Variants in ABCA5 observed in about 807,000 individuals in gnomAD.
ABCA5 encodes ATP binding cassette subfamily A member 5, also known as cholesterol transporter ABCA5.
A neutral mutation model predicts 206.0 loss-of-function variants in ABCA5; 163 were observed. The observed-to-expected ratio is 0.79, with a 90% confidence interval of 0.70 to 0.90. The LOEUF (loss-of-function observed/expected upper bound fraction) is 0.90, where lower values mean the gene tolerates loss of function less well. Among genes scored for constraint, ABCA5 ranks in the 40% least tolerant of loss-of-function variants. The probability of loss-of-function intolerance (pLI) is 0.00; values close to 1 mark genes in which losing one functional copy is unlikely to be tolerated. For synonymous variants in ABCA5, 609 were observed against 613.8 expected, an observed-to-expected ratio of 0.99 and a Z score of 0.11; for missense variants, 1,859 against 1,912.9, an observed-to-expected ratio of 0.97 and a Z score of 0.53.
intron 35 of ABCA5, 67 bp from the exon 36 acceptor site, chr17:69,250,688 A>G (rs948331917): frequency 1.7e-6 from 2 of 1,182,844 alleles, no homozygotes; most frequent in Admixed American, 5.7e-5. Flanking sequence ...TCTCTCACAC[A>G]TATAACTACA....
rs1302199229 is a variant in ABCA5, at chr17:69,246,554, C to T, written c.*983G>A. 1 of 151,904 alleles carries T rather than the reference C, an allele frequency of 6.6e-6. No individual in the cohort carries two copies. Among genetic ancestry groups the T allele is most frequent in the Non-Finnish European group, 1.5e-5 (1 of 67,818 alleles). 9.4% of individuals were successfully genotyped at this position (151,904 alleles called of 1,614,324 possible). ...GAGTTTATTCATATCCTACCATGTT[C>T]CAAAGTCAATGAGGTAAGTTACTAA... On this transcript the variant is annotated 3_prime_UTR_variant, in exon 39 of 39. Transcript: ENST00000392676.
Position 69,291,200 on chromosome 17 carries a change from A to G in ABCA5, c.1606+16T>C. ...TATATAATGAAGTTTTTTTTTCTTT[A>G]AGACAGAAAACTCACCATCAGAAGG... On this transcript the variant is annotated intron_variant, in intron 12 of 38. Transcript: ENST00000392676. 6.6e-7 allele frequency: 1 copy of G among 1,510,320 alleles called. No homozygotes were observed. Among genetic ancestry groups the G allele is most frequent in the African/African-American group, 1.4e-5 (1 of 71,274 alleles). The allele number at this position is 1,510,320 out of a possible 1,614,324, so 93.6% of individuals were successfully genotyped here.
intron 26 of ABCA5, among the ~76,000 whole-genome samples, 173 bp from the exon 27 acceptor site, chr17:69,260,585 G>C (rs1446124800): frequency 6.6e-6 from 1 of 151,798 alleles, no homozygotes; most frequent in African/African-American, 2.4e-5. Context: ...ATATTTCTGA[G>C]GATCAGTATA....
intron 19 of ABCA5, among the ~76,000 whole-genome samples, chr17:69,277,380 A>T (rs1040732833): frequency 6.6e-6 from 1 of 152,206 alleles, no homozygotes; most frequent in Non-Finnish European, 1.5e-5. Context: ...GACAGTAATT[A>T]AAAAATTATA....
In ABCA5 at chr17:69,273,957, A is replaced by G; in HGVS notation, c.2764+2T>C. 2.5e-6 allele frequency: 4 copies of G among 1,602,168 alleles called. No homozygotes were observed. Among genetic ancestry groups the G allele is most frequent in the Non-Finnish European group, 3.4e-6 (4 of 1,176,454 alleles). On this transcript the variant is annotated splice_donor_variant, in intron 20 of 38. Transcript: ENST00000392676. LOFTEE classifies it high-confidence loss of function. The stretch of plus-strand genomic sequence containing the variant: ...CGTTCACAGACCTTCACACACTCTC[A>G]CCAGCAGAATTTTGAAGAAGCAGAC...
chr17:69,259,534 AGT>A (rs2075122018), intron 28 of ABCA5, among the ~76,000 whole-genome samples, 170 bp downstream of exon 28: 1 of 152,034 alleles, frequency 6.6e-6, no homozygotes, highest in Admixed American at 6.6e-5. Flanking sequence ...AAAGTAGATT[AGT>A]GGTTACCTAA....
intron 3 of ABCA5, among the ~76,000 whole-genome samples, chr17:69,310,290 C>T (rs1416302534): frequency 6.6e-6 from 1 of 152,000 alleles, no homozygotes; most frequent in Admixed American, 6.6e-5. Flanking sequence ...CACTCATCAC[C>T]ATGCCTGGCT....
rs2075495430 is a variant in ABCA5, at chr17:69,289,068, AT to A, written c.1902+108del. On this transcript the variant is annotated intron_variant, in intron 14 of 38. Transcript: ENST00000392676. ...GATTATATCCATAATAACATACAGCATTTTATGTACACTTAACCTTTACATA... is the reference window on the plus strand; with the variant it reads ...GATTATATCCATAATAACATACAGCATTTATGTACACTTAACCTTTACATA... The A allele has an allele frequency of 6.5e-6, 7 of 1,078,602 alleles. No homozygotes were observed. The South Asian group carries it at 1.5e-4, about 22-fold the overall frequency. The allele number at this position is 1,078,602 out of a possible 1,614,324, so 66.8% of individuals were successfully genotyped here.
At chr17:69,260,193 G>T in intron 27 of ABCA5, 145 bp downstream of exon 27, 1 of 565,894 alleles carries the variant, frequency 1.8e-6, no homozygotes. Flanking sequence ...CTGAAATACA[G>T]ATTAGCTAGC....
chr17:69,298,074 T>C (rs2075602118), intron 9 of ABCA5, among the ~76,000 whole-genome samples: 2 of 151,982 alleles, frequency 1.3e-5, no homozygotes, highest in South Asian at 4.1e-4. Context: ...TAGTCCCAGC[T>C]ACCTGGGAGG....
Position 69,259,741 on chromosome 17 carries a change from A to G in ABCA5, c.3696T>C (p.Tyr1232=), listed in dbSNP as rs754531893. The G allele has an allele frequency of 6.2e-7, 1 of 1,609,540 alleles. No homozygotes were observed. Among genetic ancestry groups the G allele is most frequent in the Admixed American group, 1.7e-5 (1 of 59,718 alleles). ...IFLLQYYEKK[Y]GGRSIRKDPF... ...GATCTTTTCTTATTGATCTGCCTCC[A>G]TATTTTTTCTCATAGTATTGTAAGA... The change falls in exon 28 of 39, where the codon TAT becomes TAC. Residue 1232 remains tyrosine (Y), a synonymous_variant. Coordinates refer to ENST00000392676, the MANE Select transcript of ABCA5 (RefSeq NM_172232.4).
intron 27 of ABCA5, 35 bp downstream of exon 27, chr17:69,260,303 T>C (rs1261718070): frequency 7.5e-6 from 11 of 1,471,208 alleles, no homozygotes; most frequent in Admixed American, 1.8e-5. Flanking sequence ...ATTCTTAAGG[T>C]ACATGCTAAT....
At position 69,317,441 on chromosome 17, in the gene ABCA5, A is replaced by G. The variant is rs2075828064; in HGVS notation, c.-15-3011T>C. ...AAAAAAAGGAATGAAGTACTGCTAT[A>G]TGCTACAATTAAAATGAACATACAA... On this transcript the variant is annotated intron_variant, in intron 1 of 38. Transcript: ENST00000392676. 2.7e-5 allele frequency among the ~76,000 whole-genome samples: 4 copies of G among 150,162 alleles called. No homozygotes were observed. In the South Asian group the frequency reaches 8.4e-4, roughly 32 times the overall value.
Position 69,270,737 on chromosome 17 carries a change from G to A in ABCA5, c.2906C>T (p.Ala969Val). ...AACCATAGTACTGTTGAAAACAGCT[G>A]CAAAAACATAGTCCTACAATTAAAA... ...VMHSEKDYVF[A>V]AVFNSTMVYS... is the part of the protein sequence containing the mutation. Residue 969 changes from alanine (A) to valine (V), a missense_variant, in exon 22 of 39, where the codon GCA (alanine) becomes GTA (valine). By Grantham distance (64) the Ala-to-Val change is moderately conservative (BLOSUM62 0). Transcript: ENST00000392676. 1.9e-6 allele frequency: 3 copies of A among 1,544,168 alleles called. No homozygotes were observed. The highest frequency in any genetic ancestry group is 2.6e-6 in the Non-Finnish European group (3 of 1,151,748).
rs751654681 is a variant in ABCA5, at chr17:69,256,154, T to C, written c.3858+3A>G. On this transcript the variant is annotated splice_donor_region_variant and intron_variant, in intron 29 of 38. Transcript: ENST00000392676. ...TATGACTTAGCCATAAAGAATAAAT[T>C]ACCTCCTCACAACACTGGCAACCCA... is the stretch of plus-strand genomic sequence containing the variant. 1.3e-6 allele frequency: 2 copies of C among 1,586,126 alleles called. No homozygotes were observed. The highest frequency in any genetic ancestry group is 1.7e-6 in the Non-Finnish European group (2 of 1,170,060).
rs1029139996 is a variant in ABCA5 at position 69,322,290 on chromosome 17, A to T, written c.-16+4762T>A. ...GAGGCTGAGGCAGGAGAATCACTCG[A>T]ACCCGGGAGGTGAAAGTTGCAGTCA... On this transcript the variant is annotated intron_variant, in intron 1 of 38. Coordinates refer to ENST00000392676, the MANE Select transcript of ABCA5 (RefSeq NM_172232.4). 1.7e-4 allele frequency among the ~76,000 whole-genome samples: 24 copies of T among 144,898 alleles called. No individual in the cohort carries two copies. In the East Asian group the frequency reaches 5.1e-3, roughly 31 times the overall value.
At chr17:69,284,279 T>C (rs887711772) in intron 17 of ABCA5, among the ~76,000 whole-genome samples, 1 of 152,132 alleles carries the variant, frequency 6.6e-6, no homozygotes, top group African/African-American at 2.4e-5. Context: ...GGAGGATCAC[T>C]TGAGCCCAGG....
At chr17:69,278,635 G>A (rs778134300) in intron 18 of ABCA5, among the ~76,000 whole-genome samples, 23 of 152,166 alleles carry the variant, frequency 1.5e-4, no homozygotes, top group African/African-American at 5.5e-4. Context: ...AAATTCAGTA[G>A]TGTGAATAAG....
At position 69,283,981 on chromosome 17, in the gene ABCA5, T is replaced by C; in HGVS notation, c.2364A>G (p.Leu788=). The part of the protein sequence containing the change: ...MTTLEDVFLK[L]EVEAEIDQAD... ...CTTGGTCAATTTCTGCTTCAACTTC[T>C]AGCTTTAAAAATACGTCTTCCAAAG... The change falls in exon 18 of 39, where the codon CTA becomes CTG. Residue 788 remains leucine, a synonymous_variant. Coordinates refer to ENST00000392676, the MANE Select transcript of ABCA5 (RefSeq NM_172232.4). 2 of 1,607,300 alleles carry C rather than the reference T, an allele frequency of 1.2e-6. No individual in the cohort carries two copies. Among genetic ancestry groups the C allele is most frequent in the East Asian group, 2.3e-5 (1 of 44,322 alleles).
Sources: gnomAD v4.1 joint callset for allele counts (sites outside exome capture counted in the v4.1 genomes callset) on GRCh38, gnomAD v4.1.1 for gene constraint, MANE v1.5 for transcripts, NCBI Gene and HGNC (gene_info 2026-07-23, HGNC 2026-07-21) for gene names.